GALNT17: variants seen among roughly 807,000 people sequenced by gnomAD.
GALNT17 encodes polypeptide N-acetylgalactosaminyltransferase 17, also known as UDP-GalNAc:polypeptide N-acetylgalactosaminyltransferase-like 3.
Under a neutral mutation model 63.7 loss-of-function variants are expected in GALNT17, and 29 were observed. The observed-to-expected ratio is 0.46, with a 90% CI of 0.34 to 0.62. GALNT17 has a LOEUF of 0.62. Ranked by LOEUF, GALNT17 falls within the 20% of genes least tolerant of loss-of-function variation. GALNT17 has a pLI of 0.01. For synonymous variants in GALNT17, 305 were observed against 318.3 expected (o/e 0.96, Z 0.45); for missense variants, 603 against 799.6 (o/e 0.75, Z 2.97).
At chr7:71,650,687 T>A (rs1008428436) in intron 6 of GALNT17, among the ~76,000 whole-genome samples, 1 of 152,202 alleles carries the variant, frequency 6.6e-6, no homozygotes. Flanking sequence ...TCTATAATTG[T>A]GCCCTACCAA....
intron 6 of GALNT17, among the ~76,000 whole-genome samples, chr7:71,660,796 A>G (rs1026423886): frequency 3.9e-5 from 6 of 152,152 alleles, no homozygotes; most frequent in African/African-American, 1.2e-4. Context: ...TCCATCTGCT[A>G]TGTAGGCCTG....
At chr7:71,331,373 C>T (rs149648411) in intron 1 of GALNT17, among the ~76,000 whole-genome samples, 180 of 152,208 alleles carry the variant, frequency 1.2e-3, no homozygotes, top group African/African-American at 4.2e-3. Context: ...CCTCAGAGCC[C>T]GGCCTTTATC....
intron 1 of GALNT17, among the ~76,000 whole-genome samples, chr7:71,194,016 G>A (rs1261672714): frequency 6.6e-6 from 1 of 152,134 alleles, no homozygotes; most frequent in African/African-American, 2.4e-5. Context: ...ACCTTGTGAA[G>A]TAGGTGGTCT....
chr7:71,361,311 C>T (rs1409507748), intron 2 of GALNT17, among the ~76,000 whole-genome samples: 1 of 152,178 alleles, frequency 6.6e-6, no homozygotes, highest in Non-Finnish European at 1.5e-5. Context: ...TTGAGTCTTG[C>T]ATTTTACCTG....
chr7:71,231,230 G>GTTTT (rs775354917), intron 1 of GALNT17, among the ~76,000 whole-genome samples: 1 of 140,478 alleles, frequency 7.1e-6, no homozygotes, highest in African/African-American at 2.6e-5. Context: ...TATTTTTGCT[G>GTTTT]TTTTTTTTTT....
chr7:71,616,793 T>C lies in GALNT17; in HGVS notation c.1080+45391T>C, dbSNP rs141854133. On this transcript the variant is annotated intron_variant, in intron 6 of 10. Transcript: ENST00000333538. ...ATTATGTGTTAATATGTAACTAATA[T>C]ATTAGTGTATACATTAGTTAATTAT... Among the ~76,000 whole-genome samples, 709 of 138,880 alleles carry C rather than the reference T, an allele frequency of 5.1e-3. 14 individuals are homozygous for C. Among genetic ancestry groups the C allele is most frequent in the African/African-American group, 0.018 (685 of 38,696 alleles). The allele number at this position is 138,880 out of a possible 152,430, so 91.1% of individuals were successfully genotyped here.
At chr7:71,198,983 T>A (rs141184573) in intron 1 of GALNT17, among the ~76,000 whole-genome samples, 1 of 152,280 alleles carries the variant, frequency 6.6e-6, no homozygotes, top group African/African-American at 2.4e-5. Flanking sequence ...GGCTTGAGAT[T>A]TTGCCTTTCT....
chr7:71,700,539 C>T (rs1791616143), intron 9 of GALNT17, among the ~76,000 whole-genome samples: 1 of 152,064 alleles, frequency 6.6e-6, no homozygotes, highest in Non-Finnish European at 1.5e-5. Flanking sequence ...CTAGTGGAGT[C>T]TCACCTGCAC....
At chr7:71,663,560 C>G (rs1790939477) in intron 6 of GALNT17, among the ~76,000 whole-genome samples, 1 of 152,176 alleles carries the variant, frequency 6.6e-6, no homozygotes, top group African/African-American at 2.4e-5. Context: ...TGTCCCAGAT[C>G]AAAGAAGTCT....
chr7:71,560,361 C>T (rs1369314172), intron 5 of GALNT17, among the ~76,000 whole-genome samples: 1 of 152,068 alleles, frequency 6.6e-6, no homozygotes, highest in African/African-American at 2.4e-5. Flanking sequence ...TTACCGTTAT[C>T]CCCGCAAAAC....
intron 5 of GALNT17, among the ~76,000 whole-genome samples, chr7:71,554,823 G>C (rs1789135802): frequency 6.6e-6 from 1 of 152,214 alleles, no homozygotes; most frequent in Non-Finnish European, 1.5e-5. Flanking sequence ...TGTCTCTTCT[G>C]TCTCCAGACT....
intron 1 of GALNT17, among the ~76,000 whole-genome samples, chr7:71,136,222 C>T (rs867166812): frequency 2.6e-5 from 4 of 152,086 alleles, no homozygotes; most frequent in Non-Finnish European, 5.9e-5. Flanking sequence ...TGGGGAGACA[C>T]GTGCTCTCTT....
chr7:71,644,255 G>A (rs1790642764), intron 6 of GALNT17, among the ~76,000 whole-genome samples: 1 of 151,762 alleles, frequency 6.6e-6, no homozygotes, highest in African/African-American at 2.4e-5. Context: ...GAAAAATAGA[G>A]GCTGGGCACG....
At position 71,704,505 on chromosome 7, in the gene GALNT17, C is replaced by A. The variant is rs561689781; in HGVS notation, c.1501-6256C>A. Among the ~76,000 whole-genome samples the A allele has an allele frequency of 3.1e-3, 332 of 105,972 alleles. 1 individual carries two copies. Among genetic ancestry groups the A allele is most frequent in the Non-Finnish European group, 4.5e-3 (233 of 51,982 alleles). 69.5% of individuals were successfully genotyped at this position (105,972 alleles called of 152,430 possible). ...CCAACTGCCTTTTTTTTTTTTTTTGCAGAAATGGAAAAGCTAATCCTAAAA... is the reference window on the plus strand; with the variant it reads ...CCAACTGCCTTTTTTTTTTTTTTTGAAGAAATGGAAAAGCTAATCCTAAAA... On this transcript the variant is annotated intron_variant, in intron 9 of 10. Coordinates refer to ENST00000333538, the MANE Select transcript of GALNT17 (RefSeq NM_022479.3).
chr7:71,557,624 C>G (rs1789185931), intron 5 of GALNT17, among the ~76,000 whole-genome samples: 1 of 152,208 alleles, frequency 6.6e-6, no homozygotes, highest in Middle Eastern at 3.4e-3. Context: ...GAAACCCTGT[C>G]TCTAATAAAA....
At chr7:71,191,121 G>C (rs1304215903) in intron 1 of GALNT17, among the ~76,000 whole-genome samples, 1 of 152,052 alleles carries the variant, frequency 6.6e-6, no homozygotes, top group African/African-American at 2.4e-5. Context: ...GATTCGTTTT[G>C]AGAAACACAT....
At chr7:71,202,925 C>T (rs1178274961) in intron 1 of GALNT17, among the ~76,000 whole-genome samples, 3 of 152,154 alleles carry the variant, frequency 2.0e-5, no homozygotes, top group Non-Finnish European at 4.4e-5. Context: ...GGTTCATTCA[C>T]GTTGTTGCAA....
rs902117769 is a variant in GALNT17, at chr7:71,677,316, C to T, written c.1500+10C>T. ...TGGCTGGGGACCACAGGTAGGAGCT[C>T]GTCTCTGACCAGGAAGGAAGTAATA... On this transcript the variant is annotated intron_variant, in intron 9 of 10. Coordinates refer to ENST00000333538, the MANE Select transcript of GALNT17 (RefSeq NM_022479.3). 6 of 1,611,908 alleles carry T rather than the reference C, an allele frequency of 3.7e-6. No homozygotes were observed. In the Admixed American group the frequency reaches 5.0e-5, roughly 13 times the overall value.
chr7:71,175,092 C>G (rs912501382), intron 1 of GALNT17, among the ~76,000 whole-genome samples: 6 of 152,194 alleles, frequency 3.9e-5, no homozygotes, highest in Non-Finnish European at 8.8e-5. Flanking sequence ...ATCTATCTAT[C>G]CATCAGTCTG....
Sources: gnomAD v4.1 joint callset for allele counts (sites outside exome capture counted in the v4.1 genomes callset) on GRCh38, gnomAD v4.1.1 for gene constraint, MANE v1.5 for transcripts, NCBI Gene and HGNC (gene_info 2026-07-23, HGNC 2026-07-21) for gene names.